The following SETD2 variants were observed in gnomAD, a reference collection of about 807,000 sequenced individuals.
The protein encoded by SETD2 is histone-lysine N-methyltransferase SETD2.
Under a neutral mutation model 242.1 loss-of-function variants are expected in SETD2, and 31 were observed. That is an observed-to-expected ratio of 0.13 (90% CI 0.10 to 0.17). The LOEUF (loss-of-function observed/expected upper bound fraction) is 0.17. Among genes scored for constraint, SETD2 ranks in the 10% least tolerant of loss-of-function variants. The pLI is 1.00. For missense variants in SETD2, 2,481 were observed against 3,046.3 expected, an observed-to-expected ratio of 0.81 and a Z score of 4.37; for synonymous variants, 1,006 against 1,066.5, an observed-to-expected ratio of 0.94 and a Z score of 1.11.
intron 18 of SETD2, among the ~76,000 whole-genome samples, chr3:47,022,151 C>A (rs1400134390): frequency 6.7e-6 from 1 of 150,328 alleles, no homozygotes; most frequent in Non-Finnish European, 1.5e-5. Flanking sequence ...GAGCTGAGAT[C>A]ATGCCATTGC....
rs185846663 is a variant in SETD2, at chr3:47,028,324, T to C, written c.7351-8484A>G. Among the ~76,000 whole-genome samples the C allele has an allele frequency of 2.0e-3, 312 of 152,204 alleles. 1 individual carries two copies. Among genetic ancestry groups the C allele is most frequent in the African/African-American group, 6.9e-3 (288 of 41,522 alleles). ...TCTCAGTGAGCTAAGGAGACAAGGA[T>C]TGGAATTTAGAGTATCTGAGATAAA... On this transcript the variant is annotated intron_variant, in intron 18 of 20. Coordinates refer to ENST00000409792, the MANE Select transcript of SETD2 (RefSeq NM_014159.7).
chr3:47,075,908 G>T (rs1316017108), intron 12 of SETD2, among the ~76,000 whole-genome samples: 1 of 152,206 alleles, frequency 6.6e-6, no homozygotes, highest in African/African-American at 2.4e-5. Context: ...CAGTATGAAA[G>T]AAAGTATGAA....
At chr3:47,045,722 G>C (rs1360458063) in intron 16 of SETD2, among the ~76,000 whole-genome samples, 1 of 147,104 alleles carries the variant, frequency 6.8e-6, no homozygotes, top group Non-Finnish European at 1.5e-5. Flanking sequence ...AAAATTCATA[G>C]TAAAATATAA....
intron 15 of SETD2, among the ~76,000 whole-genome samples, chr3:47,050,867 A>C (rs2039804709): frequency 6.6e-6 from 1 of 150,808 alleles, no homozygotes; most frequent in Admixed American, 6.6e-5. Context: ...AGTAGCTGGG[A>C]TTATAGGCGT....
chr3:47,055,734 G>T lies in SETD2; in HGVS notation c.6963+1087C>A, dbSNP rs1294032125. 5.9e-5 allele frequency among the ~76,000 whole-genome samples: 9 copies of T among 151,818 alleles called. No homozygotes were observed. In the East Asian group the frequency reaches 1.7e-3, roughly 29 times the overall value. On this transcript the variant is annotated intron_variant, in intron 15 of 20. Transcript: ENST00000409792. ...AATAAAAAAAAGTTCTGCCGGCCAGGCACGGTGGCTCACGTCAGTAATCCC... is the reference window on the plus strand; with the variant it reads ...AATAAAAAAAAGTTCTGCCGGCCAGTCACGGTGGCTCACGTCAGTAATCCC...
At chr3:47,153,153 A>T (rs560344596) in intron 1 of SETD2, among the ~76,000 whole-genome samples, 4,610 of 152,090 alleles carry the variant, frequency 0.03, 231 homozygotes, top group East Asian at 0.13. Context: ...GACCCAGTGA[A>T]GTGATTATCT....
At chr3:47,073,232 AG>A (rs1011903112) in intron 12 of SETD2, among the ~76,000 whole-genome samples, 1 of 152,182 alleles carries the variant, frequency 6.6e-6, no homozygotes, top group Non-Finnish European at 1.5e-5. Context: ...ATGGATAAAA[AG>A]AAAGTAGAAA....
At chr3:47,162,135 G>A (rs1697503769) in intron 1 of SETD2, among the ~76,000 whole-genome samples, 1 of 152,122 alleles carries the variant, frequency 6.6e-6, no homozygotes, top group Non-Finnish European at 1.5e-5. Context: ...TCCCCAAGAA[G>A]TGTAAGGATG....
At chr3:47,090,226 G>A (rs968613628) in intron 9 of SETD2, among the ~76,000 whole-genome samples, 4 of 151,930 alleles carry the variant, frequency 2.6e-5, no homozygotes, top group Admixed American at 2.0e-4. Flanking sequence ...TAGCCTGAGC[G>A]ACAGAGTGAG....
chr3:47,124,154 G>A lies in SETD2; in HGVS notation c.482C>T (p.Thr161Ile), dbSNP rs1224403595. 6.4e-7 allele frequency: 1 copy of A among 1,551,892 alleles called. No homozygotes were observed. Among genetic ancestry groups the A allele is most frequent in the Admixed American group, 2.0e-5 (1 of 51,016 alleles). The change falls in exon 3 of 21, where the codon ACA becomes ATA. Residue 161 changes from threonine to isoleucine, a missense_variant. By Grantham distance (89) the Thr-to-Ile change is moderately conservative (BLOSUM62 -1). Transcript: ENST00000409792. ...VTSRPLLATT[T>I]AVASPPTHAA... is the part of the protein sequence containing the mutation. The stretch of plus-strand genomic sequence containing the variant: ...ATGAGTAGGTGGAGATGCTACTGCT[G>A]TGGTAGTAGCCAGCAGTGGCCTGGA...
rs1420305390 is a variant in SETD2 at position 47,116,534 on chromosome 3, G to A, written c.4586+89C>T. 1.8e-5 allele frequency: 25 copies of A among 1,358,558 alleles called. 1 individual carries two copies. The South Asian group carries it at 2.4e-4, about 13-fold the overall frequency. The allele number at this position is 1,358,558 out of a possible 1,614,324, so 84.2% of individuals were successfully genotyped here. A position where few individuals can be genotyped will look rare whatever the true frequency, so the allele number is the denominator to read the frequency against. ...TGTAGTCATCCATAGGTAGGAGAAA[G>A]GTTAAATTTTATTCTTCATTGATAA... On this transcript the variant is annotated intron_variant, in intron 4 of 20. Transcript: ENST00000409792.
At chr3:47,055,935 C>A (rs2040038332) in intron 15 of SETD2, among the ~76,000 whole-genome samples, 1 of 135,994 alleles carries the variant, frequency 7.4e-6, no homozygotes, top group Non-Finnish European at 1.5e-5. Flanking sequence ...ATGGCGTGAA[C>A]CCGGGAGGCG....
In SETD2 at chr3:47,049,253, T is replaced by A. The variant is rs115308495; in HGVS notation, c.6964-2632A>T. Among the ~76,000 whole-genome samples the A allele has an allele frequency of 9.9e-3, 1,453 of 146,448 alleles. 29 individuals are homozygous for A. The highest frequency in any genetic ancestry group is 0.036 in the African/African-American group (1,400 of 39,264). ...GACAACACACTGGGCCAAATATTTT[T>A]TTTATATCCTTATTCTTATTCTATA... On this transcript the variant is annotated intron_variant, in intron 15 of 20. Transcript: ENST00000409792.
chr3:47,121,056 T>C lies in SETD2; in HGVS notation c.3580A>G (p.Ile1194Val), dbSNP rs541209644. The C allele has an allele frequency of 5.6e-6, 9 of 1,614,176 alleles. No individual in the cohort carries two copies. In the East Asian group the frequency reaches 8.9e-5, roughly 16 times the overall value. Reference sequence around the variant, plus strand: ...AGCTCTTCTTGCTGCCTAGAAGGTATTTTGGCTTTCACGGTTTCCTCTGAA... The same window carrying C: ...AGCTCTTCTTGCTGCCTAGAAGGTACTTTGGCTTTCACGGTTTCCTCTGAA... ...PNSEETVKAK[I>V]PSRQQEELPI... Residue 1194 changes from isoleucine to valine, a missense_variant, in exon 3 of 21, where the codon ATA becomes GTA. Physicochemically the swap from Ile to Val is conservative, Grantham distance 29 (BLOSUM62 3). Transcript: ENST00000409792.
Position 47,116,534 on chromosome 3 carries a change from G to T in SETD2, c.4586+89C>A, listed in dbSNP as rs1420305390. The T allele has an allele frequency of 8.1e-6, 11 of 1,358,672 alleles. No homozygotes were observed. The Admixed American group carries it at 2.4e-4, about 29-fold the overall frequency. 84.2% of individuals were successfully genotyped at this position (1,358,672 alleles called of 1,614,324 possible). ...TGTAGTCATCCATAGGTAGGAGAAA[G>T]GTTAAATTTTATTCTTCATTGATAA... is the stretch of plus-strand genomic sequence containing the variant. On this transcript the variant is annotated intron_variant, in intron 4 of 20. Coordinates refer to ENST00000409792, the MANE Select transcript of SETD2 (RefSeq NM_014159.7).
intron 2 of SETD2, among the ~76,000 whole-genome samples, chr3:47,125,214 G>C (rs1008340492): frequency 2.6e-5 from 4 of 152,086 alleles, no homozygotes; most frequent in Admixed American, 1.3e-4. Flanking sequence ...AGCTACTTGG[G>C]AGGCTGAGGT....
chr3:47,115,427 C>T (rs1214432331), intron 4 of SETD2, among the ~76,000 whole-genome samples: 1 of 152,160 alleles, frequency 6.6e-6, no homozygotes, highest in Non-Finnish European at 1.5e-5. Flanking sequence ...GTCTTCTCTT[C>T]TTACATCTGT....
chr3:47,103,356 T>G lies in SETD2; in HGVS notation c.4907A>C (p.Glu1636Ala), dbSNP rs1387933251. The G allele has an allele frequency of 6.2e-7, 1 of 1,611,272 alleles. No individual in the cohort carries two copies. The highest frequency in any genetic ancestry group is 8.5e-7 in the Non-Finnish European group (1 of 1,177,626). ...FMNHSCEPNC[E>A]TQKWTVNGQL... is the part of the protein sequence containing the mutation. ...TCCACCTCAACTTACTTTTTGGGTT[T>G]CACAATTTGGTTCACAGCTGTGATT... The change falls in exon 7 of 21, where the codon GAA becomes GCA. Residue 1636 changes from glutamate to alanine, a missense_variant. This residue lies in a region of SETD2 where 61 missense variants were observed against 221.4 expected (regional missense o/e 0.28). Coordinates refer to ENST00000409792, the MANE Select transcript of SETD2 (RefSeq NM_014159.7).
chr3:47,129,554 T>C (rs1021744127), intron 1 of SETD2, among the ~76,000 whole-genome samples: 1 of 152,216 alleles, frequency 6.6e-6, no homozygotes, highest in African/African-American at 2.4e-5. Flanking sequence ...AGAAAAAGTA[T>C]GGAATCACCA....
Sources: allele counts gnomAD v4.1 joint callset (sites outside exome capture counted in the v4.1 genomes callset), GRCh38; gene constraint gnomAD v4.1.1; regional missense constraint gnomAD v4.1.1; transcripts MANE v1.5; gene names NCBI Gene and HGNC (gene_info 2026-07-23, HGNC 2026-07-21).